Variants in RGSL1 observed in about 807,000 individuals in gnomAD.
RGSL1 encodes regulator of G protein signaling like 1.
A neutral mutation model predicts 124.7 loss-of-function variants in RGSL1; 97 were observed. That is an observed-to-expected ratio of 0.78 (90% CI 0.66 to 0.92). The LOEUF is 0.92. Among genes scored for constraint, RGSL1 ranks in the 40% least tolerant of loss-of-function variants. The pLI is 0.00. For synonymous variants in RGSL1, 424 were observed against 438.1 expected (o/e 0.97, Z 0.40); for missense variants, 1,233 against 1,288.4 (o/e 0.96, Z 0.66).
At position 182,515,770 on chromosome 1, in the gene RGSL1, T is replaced by C. The variant is rs544593922; in HGVS notation, c.1826-6234T>C. On this transcript the variant is annotated intron_variant, in intron 9 of 21. Transcript: ENST00000294854. ...TTTTTCCCACCCGCACCGTGGCCAT[T>C]GGGTGCAGCTCGTACGTGCTGCAGA... Among the ~76,000 whole-genome samples the C allele has an allele frequency of 4.6e-5, 7 of 152,136 alleles. No individual in the cohort carries two copies. In the South Asian group the frequency reaches 1.5e-3, roughly 32 times the overall value.
At chr1:182,472,747 C>G in intron 5 of RGSL1, 190 bp downstream of exon 5, 1 of 538,006 alleles carries the variant, frequency 1.9e-6, no homozygotes, top group Non-Finnish European at 3.1e-6. Context: ...TAAGCTGGCA[C>G]TTGCCTCTCT....
intron 4 of RGSL1, among the ~76,000 whole-genome samples, chr1:182,465,670 AC>A (rs1653256480): frequency 6.6e-6 from 1 of 152,176 alleles, no homozygotes; most frequent in African/African-American, 2.4e-5. Context: ...ACAGTAATCT[AC>A]AATCTCCTGA....
chr1:182,480,117 C>A (rs1004663357), intron 6 of RGSL1, among the ~76,000 whole-genome samples: 2 of 152,160 alleles, frequency 1.3e-5, no homozygotes, highest in Non-Finnish European at 2.9e-5. Flanking sequence ...AAGAGCAGAA[C>A]TGACCAACCT....
upstream of RGSL1, among the ~76,000 whole-genome samples, chr1:182,449,758 G>A (rs1008127352): frequency 6.6e-6 from 1 of 152,050 alleles, no homozygotes; most frequent in Non-Finnish European, 1.5e-5. Flanking sequence ...GTTTTAAATG[G>A]GCAGAATATC....
chr1:182,545,595 G>A (rs553429739), intron 15 of RGSL1, among the ~76,000 whole-genome samples: 1 of 152,208 alleles, frequency 6.6e-6, no homozygotes, highest in East Asian at 1.9e-4. Context: ...CATGTCTGTT[G>A]GTCATGAATT....
intron 2 of RGSL1, among the ~76,000 whole-genome samples, chr1:182,455,473 T>A (rs1652234074): frequency 6.6e-6 from 1 of 151,962 alleles, no homozygotes; most frequent in East Asian, 1.9e-4. Context: ...TGCCAGCTAC[T>A]CAGGAGGCTG....
chr1:182,489,828 T>A lies in RGSL1; in HGVS notation c.1717+626T>A, dbSNP rs140879585. Among the ~76,000 whole-genome samples the A allele has an allele frequency of 7.2e-3, 1,094 of 152,318 alleles. 13 individuals are homozygous for A. Among genetic ancestry groups the A allele is most frequent in the African/African-American group, 0.025 (1,050 of 41,566 alleles). ...TAATAACAAACTTGTGCAGGTGACC[T>A]GAGATCATCTATGAAAGCTATTAGT... On this transcript the variant is annotated intron_variant, in intron 8 of 21. Coordinates refer to ENST00000294854, the MANE Select transcript of RGSL1 (RefSeq NM_001137669.2).
intron 9 of RGSL1, among the ~76,000 whole-genome samples, chr1:182,504,491 T>C (rs1252305085): frequency 1.4e-5 from 2 of 146,630 alleles, no homozygotes; most frequent in Admixed American, 6.8e-5. Context: ...TTTTTTTTTT[T>C]TTTTTTTTGC....
intron 6 of RGSL1, among the ~76,000 whole-genome samples, chr1:182,482,923 T>C (rs1337662434): frequency 1.3e-5 from 2 of 152,200 alleles, no homozygotes; most frequent in East Asian, 1.9e-4. Context: ...TATGATGCAG[T>C]ATTATTCAGT....
In RGSL1 at chr1:182,530,832, G is replaced by T; in HGVS notation, c.2286G>T (p.Glu762Asp). 6.5e-7 allele frequency: 1 copy of T among 1,550,166 alleles called. No individual in the cohort carries two copies. The highest frequency in any genetic ancestry group is 1.4e-5 in the African/African-American group (1 of 73,042). ...ACCTGTTCCCACCTCACCATCAGGA[G>T]GTGGAAGTGCAAAGTGAAGTACAAA... ...YQDLFPPHHQ[E>D]VEVQSEVQIS... Residue 762 changes from glutamate (E) to aspartate (D), a missense_variant, in exon 13 of 22, where the codon GAG becomes GAT. Physicochemically the swap from Glu to Asp is conservative, Grantham distance 45 (BLOSUM62 2). Coordinates refer to ENST00000294854, the MANE Select transcript of RGSL1 (RefSeq NM_001137669.2).
Position 182,453,992 on chromosome 1 carries a change from AG to A in RGSL1, c.49del (p.Glu17ArgfsTer41). ...IGSTNLIILL[E>X]DEVFADFFNT... ...GTTCTACAAATCTTATAATTCTGCT[AG>A]AGGATGAAGTCTTTGCCGATTTTTT... On this transcript the variant is annotated frameshift_variant, in exon 2 of 22. Coordinates refer to ENST00000294854, the MANE Select transcript of RGSL1 (RefSeq NM_001137669.2). LOFTEE classifies it high-confidence loss of function. The A allele has an allele frequency of 6.5e-7, 1 of 1,535,146 alleles. No individual in the cohort carries two copies. The highest frequency in any genetic ancestry group is 8.8e-7 in the Non-Finnish European group (1 of 1,132,050).
intron 9 of RGSL1, among the ~76,000 whole-genome samples, chr1:182,519,675 C>A (rs894384991): frequency 1.3e-5 from 2 of 151,996 alleles, no homozygotes; most frequent in East Asian, 3.9e-4. Flanking sequence ...TCCATTCTAT[C>A]TATTCTGATA....
intron 20 of RGSL1, chr1:182,555,070 G>A (rs1012727044): frequency 4.5e-6 from 1 of 221,308 alleles, no homozygotes. Context: ...TAGGGTTTTA[G>A]TGTAGTCATG....
At chr1:182,551,431 C>T (rs544116666) in intron 18 of RGSL1, among the ~76,000 whole-genome samples, 2 of 152,174 alleles carry the variant, frequency 1.3e-5, no homozygotes, top group African/African-American at 2.4e-5. Context: ...AGCAATAACT[C>T]CAGGACGCCT....
intron 4 of RGSL1, among the ~76,000 whole-genome samples, chr1:182,468,459 C>A (rs555635030): frequency 6.6e-6 from 1 of 152,172 alleles, no homozygotes; most frequent in Non-Finnish European, 1.5e-5. Flanking sequence ...GAGTTCATGT[C>A]CTTTGTAGGG....
chr1:182,456,201 A>G (rs1309928026), intron 2 of RGSL1, among the ~76,000 whole-genome samples: 1 of 152,026 alleles, frequency 6.6e-6, no homozygotes, highest in Non-Finnish European at 1.5e-5. Context: ...GATTAAAATG[A>G]GGATAAGGAA....
Position 182,540,267 on chromosome 1 carries a change from A to C in RGSL1, c.2515A>C (p.Thr839Pro), listed in dbSNP as rs1310365459. Residue 839 changes from threonine (T) to proline (P), a missense_variant, in exon 15 of 22, where the codon ACA (threonine) becomes CCA (proline). Transcript: ENST00000294854. ...SKENFTTAHN[T>P]SGRSAPPSTN... ...CTCAGATTTCACCACAGCACACAAC[A>C]CATCGGGACGTTCAGCTCCACCCTC... 5 of 1,550,580 alleles carry C rather than the reference A, an allele frequency of 3.2e-6. No homozygotes were observed. The highest frequency in any genetic ancestry group is 4.4e-6 in the Non-Finnish European group (5 of 1,146,506).
intron 9 of RGSL1, among the ~76,000 whole-genome samples, chr1:182,499,989 C>T (rs1429213958): frequency 6.6e-6 from 1 of 151,982 alleles, no homozygotes; most frequent in Non-Finnish European, 1.5e-5. Context: ...TGATAATGTT[C>T]TTTGATGCAC....
At position 182,473,652 on chromosome 1, in the gene RGSL1, GTGGCTC is replaced by G. The variant is rs1296755114; in HGVS notation, c.544_549del (p.Ala182_Leu183del). 2 of 1,551,568 alleles carry G rather than the reference GTGGCTC, an allele frequency of 1.3e-6. No homozygotes were observed. Among genetic ancestry groups the G allele is most frequent in the African/African-American group, 2.7e-5 (2 of 73,024 alleles). On this transcript the variant is annotated inframe_deletion, in exon 6 of 22. Coordinates refer to ENST00000294854, the MANE Select transcript of RGSL1 (RefSeq NM_001137669.2). Reference sequence around the variant, plus strand: ...GGAGATCCTGAGCCACATGCAGAAAGTGGCTCTGTTCAAACTCCAGAGCTATTGGCT... The same window carrying G: ...GGAGATCCTGAGCCACATGCAGAAAGTGTTCAAACTCCAGAGCTATTGGCT...
Sources: gnomAD v4.1 joint callset for allele counts (sites outside exome capture counted in the v4.1 genomes callset) on GRCh38, gnomAD v4.1.1 for gene constraint, MANE v1.5 for transcripts, NCBI Gene and HGNC (gene_info 2026-07-23, HGNC 2026-07-21) for gene names.